The following RXRA variants were observed in gnomAD, a reference collection of about 807,000 sequenced individuals.
RXRA encodes the protein retinoid X receptor alpha.
A neutral mutation model predicts 44.5 loss-of-function variants in RXRA; 5 were observed. The ratio of observed to expected loss-of-function variants is 0.11; its 90% CI spans 0.06 to 0.24. The LOEUF is 0.24. Among genes scored for constraint, RXRA ranks in the 10% least tolerant of loss-of-function variants. The pLI is 1.00. For missense variants in RXRA, 412 were observed against 646.5 expected, an observed-to-expected ratio of 0.64 and a Z score of 3.93; for synonymous variants, 291 against 271.4, an observed-to-expected ratio of 1.07 and a Z score of -0.71.
chr9:134,344,047 C>T (rs1457052175), intron 1 of RXRA, among the ~76,000 whole-genome samples: 2 of 152,220 alleles, frequency 1.3e-5, no homozygotes, highest in African/African-American at 4.8e-5. Context: ...TGTGCCACCT[C>T]TCAAACCGTT....
rs900864419 is a variant in RXRA at position 134,365,128 on chromosome 9, C to T, written c.29-36504C>T. ...AGGGGGCGGGGTGAGCCAATGGCTC[C>T]GGGGCCACCACAGAGGCGGCTGTTG... On this transcript the variant is annotated intron_variant, in intron 1 of 9. Transcript: ENST00000481739. The surrounding 1 kb of genome is among the most constrained non-coding windows in gnomAD (Gnocchi z 4.0). Among the ~76,000 whole-genome samples the T allele has an allele frequency of 6.6e-6, 1 of 152,292 alleles. No individual in the cohort carries two copies.
intron 1 of RXRA, among the ~76,000 whole-genome samples, chr9:134,358,855 G>A (rs529371476): frequency 3.9e-5 from 6 of 152,314 alleles, no homozygotes; most frequent in African/African-American, 1.4e-4. Context: ...GGTGAGGGCT[G>A]TGGGCAGAGG....
chr9:134,379,743 G>T, intron 1 of RXRA: 1 of 985,428 alleles, frequency 1.0e-6, no homozygotes, highest in Non-Finnish European at 1.2e-6. Flanking sequence ...GTCCAGCTCA[G>T]CCCCTCTGTG....
At chr9:134,404,910 T>C (rs925885298) in intron 2 of RXRA, 2 of 152,080 alleles carry the variant, frequency 1.3e-5, no homozygotes, top group Non-Finnish European at 2.9e-5. Context: ...GAGACCTGGG[T>C]GGGGCATCGA....
intron 1 of RXRA, among the ~76,000 whole-genome samples, chr9:134,372,918 G>T (rs1830507929): frequency 6.6e-6 from 1 of 152,220 alleles, no homozygotes; most frequent in African/African-American, 2.4e-5. Flanking sequence ...GCAGGAGAGG[G>T]GCTGAGACCC....
intron 6 of RXRA, chr9:134,425,835 G>A (rs1831425449): frequency 1.0e-6 from 1 of 985,374 alleles, no homozygotes; most frequent in African/African-American, 1.7e-5. Context: ...GCCCTGCCTT[G>A]TGAGTGTGGA....
chr9:134,335,120 C>T (rs1025327429), intron 1 of RXRA, among the ~76,000 whole-genome samples: 1 of 152,174 alleles, frequency 6.6e-6, no homozygotes, highest in East Asian at 1.9e-4. Context: ...AGGCCTCCAC[C>T]TAGTGTCATG....
At chr9:134,338,355 C>A (rs1830038462) in intron 1 of RXRA, among the ~76,000 whole-genome samples, 1 of 152,230 alleles carries the variant, frequency 6.6e-6, no homozygotes, top group Non-Finnish European at 1.5e-5. Context: ...GCTGAAAGGG[C>A]CTCCTCATGT....
chr9:134,328,650 C>T lies in RXRA; in HGVS notation c.28+1991C>T, dbSNP rs1171901296. Among the ~76,000 whole-genome samples the T allele has an allele frequency of 7.2e-5, 11 of 152,286 alleles. No homozygotes were observed. The South Asian group carries it at 1.0e-3, about 14-fold the overall frequency. ...CAGAGCAGTCGAAGGTCCATTTAAG[C>T]GGCTACTTTTCTAAGCCCTTTTGTC... On this transcript the variant is annotated intron_variant, in intron 1 of 9. Coordinates refer to ENST00000481739, the MANE Select transcript of RXRA (RefSeq NM_002957.6).
chr9:134,326,614 C>A lies in RXRA; in HGVS notation c.-18C>A. On this transcript the variant is annotated 5_prime_UTR_variant, in exon 1 of 10. Transcript: ENST00000481739. ...CCCGCTGCCTGCGCCGCCGGCCGGG[C>A]ATGAGTTAGTCGCAGACATGGACAC... The A allele has an allele frequency of 1.0e-6, 1 of 961,338 alleles. No homozygotes were observed. Among genetic ancestry groups the A allele is most frequent in the Non-Finnish European group, 1.2e-6 (1 of 812,460 alleles). 59.6% of individuals were successfully genotyped at this position (961,338 alleles called of 1,614,324 possible).
intron 1 of RXRA, among the ~76,000 whole-genome samples, chr9:134,371,504 C>T (rs1830490706): frequency 6.6e-6 from 1 of 152,008 alleles, no homozygotes; most frequent in Admixed American, 6.5e-5. Flanking sequence ...GGCCAGACTT[C>T]TGGGGGCACC....
intron 1 of RXRA, among the ~76,000 whole-genome samples, chr9:134,338,446 C>T (rs1312754428): frequency 6.6e-6 from 1 of 152,266 alleles, no homozygotes; most frequent in Non-Finnish European, 1.5e-5. Flanking sequence ...ACCTGGGTCC[C>T]TCTGACCTGG....
At chr9:134,338,250 G>A (rs782082889) in intron 1 of RXRA, among the ~76,000 whole-genome samples, 7 of 152,240 alleles carry the variant, frequency 4.6e-5, no homozygotes, top group Non-Finnish European at 1.0e-4. Context: ...TGTGGGGCAC[G>A]GCCATCGCCA....
intron 1 of RXRA, among the ~76,000 whole-genome samples, chr9:134,375,314 C>T (rs990610366): frequency 1.3e-5 from 2 of 152,144 alleles, no homozygotes; most frequent in African/African-American, 4.8e-5. Flanking sequence ...TGCTGTCTTC[C>T]TGGCCTGGTT....
rs1831702324 is a variant in RXRA at position 134,439,889 on chromosome 9, C to T, written c.*3275C>T. On this transcript the variant is annotated 3_prime_UTR_variant, in exon 10 of 10. Coordinates refer to ENST00000481739, the MANE Select transcript of RXRA (RefSeq NM_002957.6). ...TCGTGTAAGCAAGTACATAAGGACCCTCCTTTGGTGAAATCCGGGTTCGAA... is the reference window on the plus strand; with the variant it reads ...TCGTGTAAGCAAGTACATAAGGACCTTCCTTTGGTGAAATCCGGGTTCGAA... 1 of 152,404 alleles carries T rather than the reference C, an allele frequency of 6.6e-6. No individual in the cohort carries two copies. The highest frequency in any genetic ancestry group is 2.4e-5 in the African/African-American group (1 of 41,456). 9.4% of individuals were successfully genotyped at this position (152,404 alleles called of 1,614,324 possible).
At chr9:134,383,578 A>G (rs778593696) in intron 1 of RXRA, among the ~76,000 whole-genome samples, 3 of 152,158 alleles carry the variant, frequency 2.0e-5, no homozygotes, top group Non-Finnish European at 2.9e-5. Flanking sequence ...GAGGGCCGGA[A>G]GAACCCACAG....
At chr9:134,364,372 T>C (rs556874734) in intron 1 of RXRA, among the ~76,000 whole-genome samples, 3 of 152,156 alleles carry the variant, frequency 2.0e-5, no homozygotes, top group Non-Finnish European at 4.4e-5. Flanking sequence ...ACCCCAGCAT[T>C]GATGGGCAGC....
intron 4 of RXRA, among the ~76,000 whole-genome samples, chr9:134,414,583 G>T (rs932173742): frequency 6.6e-6 from 1 of 152,260 alleles, no homozygotes; most frequent in African/African-American, 2.4e-5. Flanking sequence ...GGCTGGGGTT[G>T]TCGGATCCCA....
At chr9:134,377,594 G>A (rs958653943) in intron 1 of RXRA, among the ~76,000 whole-genome samples, 8 of 152,206 alleles carry the variant, frequency 5.3e-5, no homozygotes. Context: ...GGAGATATCC[G>A]TTTTCCCAAC....
Sources: allele counts gnomAD v4.1 joint callset (sites outside exome capture counted in the v4.1 genomes callset), GRCh38; gene constraint gnomAD v4.1.1; non-coding constraint Gnocchi (gnomAD v3.1); transcripts MANE v1.5; gene names NCBI Gene and HGNC (gene_info 2026-07-23, HGNC 2026-07-21).